ASB5: variants seen among roughly 807,000 people sequenced by gnomAD.
The protein encoded by ASB5 is ankyrin repeat and SOCS box containing 5.
A neutral mutation model predicts 42.1 loss-of-function variants in ASB5; 45 were observed. That is an observed-to-expected ratio of 1.07 (90% CI 0.84 to 1.37). ASB5 has a LOEUF of 1.37. ASB5 is among the 40% of genes most tolerant of loss of function. ASB5 has a pLI of 0.00. For missense variants in ASB5, 402 were observed against 399.8 expected, an observed-to-expected ratio of 1.01 and a Z score of -0.05; for synonymous variants, 147 against 150.6, an observed-to-expected ratio of 0.98 and a Z score of 0.18.
intron 1 of ASB5, among the ~76,000 whole-genome samples, chr4:176,236,329 G>C (rs916583593): frequency 2.0e-5 from 3 of 152,108 alleles, no homozygotes; most frequent in Non-Finnish European, 4.4e-5. Flanking sequence ...ACCATGAAAT[G>C]ATGAGACTAC....
At chr4:176,258,281 G>A (rs970119258) in intron 1 of ASB5, among the ~76,000 whole-genome samples, 1 of 152,128 alleles carries the variant, frequency 6.6e-6, no homozygotes, top group African/African-American at 2.4e-5. Flanking sequence ...CAGACGTTAA[G>A]CAACTTTCCT....
At chr4:176,274,322 T>C (rs1754527970) in intron 2 of ASB5, among the ~76,000 whole-genome samples, 1 of 152,140 alleles carries the variant, frequency 6.6e-6, no homozygotes, top group South Asian at 2.1e-4. Flanking sequence ...CTGTTGTTAA[T>C]CAAATCAATT....
intron 1 of ASB5, among the ~76,000 whole-genome samples, chr4:176,259,475 T>C (rs894496446): frequency 6.6e-6 from 1 of 152,294 alleles, no homozygotes; most frequent in East Asian, 1.9e-4. Context: ...TACTGAGGGG[T>C]TGAGTCACTA....
At chr4:176,233,902 G>A (rs72706396) in intron 1 of ASB5, among the ~76,000 whole-genome samples, 8,471 of 152,122 alleles carry the variant, frequency 0.056, 348 homozygotes, top group East Asian at 0.094. Flanking sequence ...CTCCCGATCC[G>A]CAAATGGCAA....
In ASB5 at chr4:176,259,242, T is replaced by C. The variant is rs1754212817; in HGVS notation, c.196+9671A>G. On this transcript the variant is annotated intron_variant, in intron 1 of 6. Coordinates refer to ENST00000296525, the MANE Select transcript of ASB5 (RefSeq NM_080874.4). ...GCTCTAAAGAATTAGCACTTTTTCC[T>C]TTTCCAAATTCATGATTCTAGATCA... is the stretch of plus-strand genomic sequence containing the variant. 3.3e-5 allele frequency among the ~76,000 whole-genome samples: 5 copies of C among 152,192 alleles called. 2 individuals are homozygous for C. In the South Asian group the frequency reaches 1.0e-3, roughly 32 times the overall value.
In ASB5 at chr4:176,214,937, T is replaced by A. The variant is rs1178763854; in HGVS notation, c.*663A>T. 6.6e-6 allele frequency: 1 copy of A among 150,410 alleles called. No individual in the cohort carries two copies. Among genetic ancestry groups the A allele is most frequent in the African/African-American group, 2.5e-5 (1 of 40,732 alleles). The allele number at this position is 150,410 out of a possible 1,614,324, so 9.3% of individuals were successfully genotyped here. ...GTGTAATGTTCTAAATATCTCAGGG[T>A]GAGAGGGCAGTATTGACCTTTCATC... is the stretch of plus-strand genomic sequence containing the variant. On this transcript the variant is annotated 3_prime_UTR_variant, in exon 7 of 7. Coordinates refer to ENST00000296525, the MANE Select transcript of ASB5 (RefSeq NM_080874.4).
intron 1 of ASB5, among the ~76,000 whole-genome samples, chr4:176,246,135 G>T (rs969745241): frequency 7.2e-5 from 11 of 152,156 alleles, no homozygotes; most frequent in African/African-American, 2.7e-4. Flanking sequence ...AGGCTAATTA[G>T]AACTTGCTGT....
intron 1 of ASB5, among the ~76,000 whole-genome samples, chr4:176,243,275 GTCTA>G (rs59150321): frequency 0.5 from 75,462 of 150,432 alleles, 19,429 homozygotes; most frequent in African/African-American, 0.64. Flanking sequence ...TATCAATTAG[GTCTA>G]TCTTTTTAAA....
chr4:176,236,369 G>A (rs767631129), intron 1 of ASB5, among the ~76,000 whole-genome samples: 2 of 152,142 alleles, frequency 1.3e-5, no homozygotes, highest in Non-Finnish European at 2.9e-5. Flanking sequence ...CTAGCACAGT[G>A]TCTAGCACGC....
At chr4:176,260,481 T>C (rs1049306541) in intron 1 of ASB5, among the ~76,000 whole-genome samples, 2 of 152,224 alleles carry the variant, frequency 1.3e-5, no homozygotes, top group African/African-American at 4.8e-5. Flanking sequence ...TGGAAGATTC[T>C]TTCAGTATTC....
At chr4:176,259,023 T>C (rs995421237) in intron 1 of ASB5, among the ~76,000 whole-genome samples, 1 of 152,108 alleles carries the variant, frequency 6.6e-6, no homozygotes, top group Non-Finnish European at 1.5e-5. Flanking sequence ...TGAGTAATGG[T>C]AAGTAGCCAG....
chr4:176,240,365 C>CAAT (rs1350986768), intron 1 of ASB5, among the ~76,000 whole-genome samples: 6 of 152,124 alleles, frequency 3.9e-5, no homozygotes, highest in Non-Finnish European at 5.9e-5. Flanking sequence ...TCTCCAGGAA[C>CAAT]TATTGTATTT....
intron 5 of ASB5, among the ~76,000 whole-genome samples, chr4:176,219,227 T>TTGTATGATATATAAATATATA (rs1395554903): frequency 3.5e-5 from 4 of 114,830 alleles, no homozygotes; most frequent in African/African-American, 1.1e-4. Flanking sequence ...ATATATATAT[T>TTGTATGATATATAAATATATA]TGTATGATAT....
At chr4:176,261,768 TCTACCTC>T (rs1754271919) in intron 1 of ASB5, among the ~76,000 whole-genome samples, 1 of 152,206 alleles carries the variant, frequency 6.6e-6, no homozygotes, top group Non-Finnish European at 1.5e-5. Flanking sequence ...CATATGGTTT[TCTACCTC>T]CTTGCTGTTT....
chr4:176,220,169 T>C (rs779673347), intron 5 of ASB5, among the ~76,000 whole-genome samples: 8 of 152,200 alleles, frequency 5.3e-5, no homozygotes, highest in Non-Finnish European at 1.2e-4. Flanking sequence ...ATAAACTCTA[T>C]TGATCATACA....
At position 176,232,127 on chromosome 4, in the gene ASB5, AC is replaced by A. The variant is rs1457860826; in HGVS notation, c.197-6787del. ...ACCTATTTTATATATATATATATAT[AC>A]TTTTTTTTTTTGAGTTGGAGTTTTG... On this transcript the variant is annotated intron_variant, in intron 1 of 6. Transcript: ENST00000296525. 5.3e-3 allele frequency among the ~76,000 whole-genome samples: 657 copies of A among 125,048 alleles called. 2 individuals carry two copies. Among genetic ancestry groups the A allele is most frequent in the Middle Eastern group, 0.033 (8 of 246 alleles). 82.0% of individuals were successfully genotyped at this position (125,048 alleles called of 152,430 possible).
chr4:176,237,396 C>T, intron 1 of ASB5: 1 of 985,858 alleles, frequency 1.0e-6, no homozygotes, highest in Non-Finnish European at 1.2e-6. Context: ...CAGTTCATTT[C>T]AACAGCAATA....
rs529852813 is a variant in ASB5 at position 176,274,968 on chromosome 4, G to A, written c.-90+828C>T. Among the ~76,000 whole-genome samples, 10 of 136,418 alleles carry A rather than the reference G, an allele frequency of 7.3e-5. 1 individual carries two copies. In the South Asian group the frequency reaches 2.3e-3, roughly 31 times the overall value. The allele number at this position is 136,418 out of a possible 152,430, so 89.5% of individuals were successfully genotyped here. ...CTTACTCTGTCGCCCAGGCTGGAGT[G>A]CAGTGGCACTATCTGGGCTCACTGC... On this transcript the variant is annotated intron_variant, in intron 2 of 2. Transcript: ENST00000505299.
At chr4:176,237,475 G>C in intron 1 of ASB5, 1 of 985,844 alleles carries the variant, frequency 1.0e-6, no homozygotes, top group South Asian at 4.7e-5. Context: ...AAATGCTCTA[G>C]CAAGAAGAAA....
Sources: gnomAD v4.1 joint callset for allele counts (sites outside exome capture counted in the v4.1 genomes callset) on GRCh38, gnomAD v4.1.1 for gene constraint, MANE v1.5 for transcripts, NCBI Gene and HGNC (gene_info 2026-07-23, HGNC 2026-07-21) for gene names.